The following ADAMTS14 variants were observed in gnomAD, a reference collection of about 807,000 sequenced individuals.
ADAMTS14 encodes the protein ADAM metallopeptidase with thrombospondin type 1 motif 14.
Under a neutral mutation model 128.6 loss-of-function variants are expected in ADAMTS14, and 100 were observed. The observed-to-expected ratio is 0.78, with a 90% confidence interval of 0.66 to 0.92. The LOEUF is 0.92. Among genes scored for constraint, ADAMTS14 ranks in the 40% least tolerant of loss-of-function variants. The pLI is 0.00. For missense variants in ADAMTS14, 1,562 were observed against 1,658.6 expected (o/e 0.94, Z 1.01); for synonymous variants, 665 against 653.8 (o/e 1.02, Z -0.26).
intron 4 of ADAMTS14, among the ~76,000 whole-genome samples, chr10:70,719,390 AC>A (rs1841174712): frequency 6.6e-6 from 1 of 151,038 alleles, no homozygotes; most frequent in African/African-American, 2.4e-5. Context: ...ACACACACAC[AC>A]ACACACACAC....
chr10:70,719,661 G>T (rs1294140302), intron 4 of ADAMTS14, among the ~76,000 whole-genome samples: 12 of 152,160 alleles, frequency 7.9e-5, no homozygotes, highest in African/African-American at 2.7e-4. Context: ...TCCTGCCTCA[G>T]CCTCCCAAAG....
intron 21 of ADAMTS14, 39 bp from the exon 22 acceptor site, chr10:70,760,321 C>A (rs1157446298): frequency 2.0e-6 from 3 of 1,506,930 alleles, no homozygotes; most frequent in Non-Finnish European, 2.7e-6. Flanking sequence ...CAGGCATCCC[C>A]ACGTTGCTTC....
intron 21 of ADAMTS14, among the ~76,000 whole-genome samples, chr10:70,759,956 C>T (rs1007949027): frequency 3.9e-5 from 6 of 152,176 alleles, no homozygotes; most frequent in African/African-American, 7.2e-5. Context: ...GGGCGAATGG[C>T]GAAGGGCCAG....
intron 4 of ADAMTS14, among the ~76,000 whole-genome samples, chr10:70,715,092 G>C (rs1252633984): frequency 1.3e-5 from 2 of 152,152 alleles, no homozygotes; most frequent in African/African-American, 2.4e-5. Context: ...TGAAGTTTGT[G>C]ATAATGCTTA....
intron 4 of ADAMTS14, among the ~76,000 whole-genome samples, chr10:70,712,664 G>GCGTT (rs201320068): frequency 0.011 from 1,630 of 152,320 alleles, 14 homozygotes; most frequent in Non-Finnish European, 0.016. Context: ...CAGGAATTTT[G>GCGTT]CGTTGCTCTT....
chr10:70,759,135 T>A (rs74140342), intron 21 of ADAMTS14, among the ~76,000 whole-genome samples: 2 of 124,978 alleles, frequency 1.6e-5, no homozygotes, highest in Admixed American at 8.4e-5. Flanking sequence ...CTTCTACTTC[T>A]CTGCTCCTAG....
intron 11 of ADAMTS14, among the ~76,000 whole-genome samples, chr10:70,740,628 G>C (rs1003329994): frequency 6.6e-6 from 1 of 152,120 alleles, no homozygotes; most frequent in African/African-American, 2.4e-5. Context: ...TCTATGCCAG[G>C]GCCTGCAAAA....
At chr10:70,691,496 A>AAAC (rs1554815419) in intron 2 of ADAMTS14, among the ~76,000 whole-genome samples, 1 of 115,032 alleles carries the variant, frequency 8.7e-6, no homozygotes, top group East Asian at 2.1e-4. Flanking sequence ...TTAAAAAAAA[A>AAAC]AAAAAAAAAA....
At chr10:70,702,194 A>G in intron 2 of ADAMTS14, 118 bp from the exon 3 acceptor site, 1 of 1,428,468 alleles carries the variant, frequency 7.0e-7, no homozygotes, top group Non-Finnish European at 9.5e-7. Context: ...TCCTGGAGGA[A>G]GAGCCTGCAA....
intron 4 of ADAMTS14, among the ~76,000 whole-genome samples, chr10:70,710,250 C>T (rs1840806490): frequency 6.6e-6 from 1 of 152,256 alleles, no homozygotes; most frequent in Non-Finnish European, 1.5e-5. Context: ...CTCTGAGCCT[C>T]TGCAAGGTGA....
chr10:70,706,174 C>G (rs1840659953), intron 3 of ADAMTS14, among the ~76,000 whole-genome samples: 1 of 152,180 alleles, frequency 6.6e-6, no homozygotes, highest in Admixed American at 6.5e-5. Flanking sequence ...GCATCCAAGG[C>G]TGATGCTGGC....
chr10:70,736,677 C>T lies in ADAMTS14; in HGVS notation c.1486-3C>T. ...CTGGTGACCCCATTCCCTTGCCATG[C>T]AGTTCAGGACCTTTGAGCCCTGCAA... On this transcript the variant is annotated splice_polypyrimidine_tract_variant and splice_region_variant and intron_variant, in intron 9 of 21. Transcript: ENST00000373207. The T allele has an allele frequency of 1.2e-6, 2 of 1,612,422 alleles. No individual in the cohort carries two copies. Among genetic ancestry groups the T allele is most frequent in the Non-Finnish European group, 1.7e-6 (2 of 1,179,032 alleles).
chr10:70,676,451 G>A (rs1839650074), intron 2 of ADAMTS14, among the ~76,000 whole-genome samples: 1 of 152,194 alleles, frequency 6.6e-6, no homozygotes, highest in South Asian at 2.1e-4. Context: ...GGCCCTCATG[G>A]AGAGGGCTTA....
intron 2 of ADAMTS14, among the ~76,000 whole-genome samples, chr10:70,681,707 C>T (rs1160398771): frequency 2.6e-5 from 4 of 152,226 alleles, no homozygotes; most frequent in Non-Finnish European, 5.9e-5. Context: ...GTCGGCTCCA[C>T]ATTCCACCCT....
At chr10:70,716,814 C>T (rs1384928723) in intron 4 of ADAMTS14, among the ~76,000 whole-genome samples, 1 of 152,138 alleles carries the variant, frequency 6.6e-6, no homozygotes, top group Non-Finnish European at 1.5e-5. Context: ...TAGTGAAGCA[C>T]CCAAAGTTAT....
In ADAMTS14 at chr10:70,672,875, C is replaced by T. The variant is rs1029116007; in HGVS notation, c.73C>T (p.Arg25Trp). Residue 25 changes from arginine to tryptophan, a missense_variant, in exon 1 of 22, where the codon CGG becomes TGG. Transcript: ENST00000373207. ...TGCGCTCTGCGCCGCCGCGGGCAGC[C>T]GGACCCCAGGTGCGTGCGGGTTGGG... ...HCALCAAAGS[R>W]TPELHLSGKL... The T allele has an allele frequency of 8.7e-6, 13 of 1,497,906 alleles. No homozygotes were observed. Among genetic ancestry groups the T allele is most frequent in the East Asian group, 2.8e-5 (1 of 35,970 alleles). The allele number at this position is 1,497,906 out of a possible 1,614,324, so 92.8% of individuals were successfully genotyped here.
At chr10:70,705,651 A>G (rs1253211443) in intron 3 of ADAMTS14, among the ~76,000 whole-genome samples, 1 of 152,206 alleles carries the variant, frequency 6.6e-6, no homozygotes, top group East Asian at 1.9e-4. Context: ...ATCTTTCTAA[A>G]TAGGATTTGC....
At chr10:70,698,585 C>T in intron 2 of ADAMTS14, among the ~76,000 whole-genome samples, 1 of 152,226 alleles carries the variant, frequency 6.6e-6, no homozygotes, top group East Asian at 1.9e-4. Flanking sequence ...AGGCAGAGCC[C>T]AGACCTGGAT....
intron 19 of ADAMTS14, among the ~76,000 whole-genome samples, chr10:70,755,691 A>G (rs940360130): frequency 7.2e-5 from 11 of 152,176 alleles, no homozygotes; most frequent in African/African-American, 2.7e-4. Context: ...CTAAAAATGC[A>G]AAAATTAGCC....
Sources: allele counts gnomAD v4.1 joint callset (sites outside exome capture counted in the v4.1 genomes callset), GRCh38; gene constraint gnomAD v4.1.1; transcripts MANE v1.5; gene names NCBI Gene and HGNC (gene_info 2026-07-23, HGNC 2026-07-21).